Variants in PLCL1 observed in about 807,000 individuals in gnomAD.
PLCL1 encodes the protein inactive phospholipase C-like protein 1.
In PLCL1, 41 loss-of-function variants were observed where a neutral mutation model predicts 84.4. That is an observed-to-expected ratio of 0.49 (90% CI 0.38 to 0.63). The LOEUF (loss-of-function observed/expected upper bound fraction) is 0.63, where lower values mean the gene tolerates loss of function less well. PLCL1 is among the 30% of genes least tolerant of loss of function. PLCL1 has a pLI of 0.00. For synonymous variants in PLCL1, 490 were observed against 488.3 expected (o/e 1.00, Z -0.05); for missense variants, 1,206 against 1,367.8 (o/e 0.88, Z 1.87).
intron 1 of PLCL1, among the ~76,000 whole-genome samples, chr2:197,836,721 C>G (rs1449361530): frequency 1.3e-5 from 2 of 152,026 alleles, no homozygotes; most frequent in Admixed American, 1.3e-4. Flanking sequence ...AAAATATTTA[C>G]TGGGCAATTT....
intron 1 of PLCL1, among the ~76,000 whole-genome samples, chr2:197,963,462 G>T (rs910969164): frequency 5.3e-5 from 8 of 151,924 alleles, no homozygotes; most frequent in African/African-American, 1.4e-4. Flanking sequence ...AGTTGTTTGA[G>T]CTCTTACATA....
intron 1 of PLCL1, among the ~76,000 whole-genome samples, chr2:197,878,549 TA>T (rs1171333061): frequency 3.3e-5 from 5 of 152,184 alleles, no homozygotes; most frequent in Admixed American, 3.3e-4. Context: ...TTTTCTAGGA[TA>T]CATAAGCAAG....
chr2:198,123,980 C>T, intron 5 of PLCL1, among the ~76,000 whole-genome samples: 1 of 152,058 alleles, frequency 6.6e-6, no homozygotes, highest in Middle Eastern at 3.2e-3. Flanking sequence ...CTTAAGCCAC[C>T]CTGTCTGTGG....
chr2:198,035,186 G>A (rs969386692), intron 1 of PLCL1, among the ~76,000 whole-genome samples: 3 of 152,178 alleles, frequency 2.0e-5, no homozygotes, highest in African/African-American at 7.2e-5. Context: ...AAGAAGAAAG[G>A]AATTATAGAT....
rs374918379 is a variant in PLCL1, at chr2:198,135,589, G to A, written c.3106-11191G>A. On this transcript the variant is annotated intron_variant, in intron 5 of 5. Coordinates refer to ENST00000428675, the MANE Select transcript of PLCL1 (RefSeq NM_006226.4). ...CCTGCAGTTGAATCATATTTTTAAA[G>A]TTTAGCTTGGGGTTTTCTATTATTC... is the stretch of plus-strand genomic sequence containing the variant. 8.5e-5 allele frequency among the ~76,000 whole-genome samples: 13 copies of A among 152,254 alleles called. No individual in the cohort carries two copies. The East Asian group carries it at 2.3e-3, about 27-fold the overall frequency.
At chr2:197,849,436 T>C (rs1397218839) in intron 1 of PLCL1, among the ~76,000 whole-genome samples, 1 of 152,102 alleles carries the variant, frequency 6.6e-6, no homozygotes, top group African/African-American at 2.4e-5. Context: ...TGTGCGTGCA[T>C]GTGTGTGTTT....
intron 1 of PLCL1, among the ~76,000 whole-genome samples, chr2:197,833,527 C>A (rs1457317875): frequency 2.0e-5 from 3 of 152,126 alleles, no homozygotes; most frequent in Non-Finnish European, 4.4e-5. Context: ...TTCCCATACA[C>A]CAATAATAGA....
intron 1 of PLCL1, among the ~76,000 whole-genome samples, chr2:197,964,986 T>A (rs904243438): frequency 2.0e-5 from 3 of 152,110 alleles, no homozygotes; most frequent in Non-Finnish European, 4.4e-5. Context: ...TTTGATAGCA[T>A]TTTATTGATG....
rs1428475382 is a variant in PLCL1, at chr2:198,148,078, C to A, written c.*1116C>A. On this transcript the variant is annotated 3_prime_UTR_variant, in exon 6 of 6. Coordinates refer to ENST00000428675, the MANE Select transcript of PLCL1 (RefSeq NM_006226.4). ...AAAGCATACATGCAAAAAGAAATGA[C>A]TAATTAGGGTACATTTATAATTGCA... 1 of 152,194 alleles carries A rather than the reference C, an allele frequency of 6.6e-6. No homozygotes were observed. The highest frequency in any genetic ancestry group is 1.5e-5 in the Non-Finnish European group (1 of 68,000). The allele number at this position is 152,194 out of a possible 1,614,324, so 9.4% of individuals were successfully genotyped here.
At chr2:197,859,967 T>C (rs527856105) in intron 1 of PLCL1, among the ~76,000 whole-genome samples, 41 of 152,256 alleles carry the variant, frequency 2.7e-4, no homozygotes, top group African/African-American at 9.9e-4. Flanking sequence ...GATTATTTTG[T>C]TACCCAGGTG....
intron 1 of PLCL1, among the ~76,000 whole-genome samples, chr2:197,818,524 G>A (rs1358202390): frequency 6.6e-6 from 1 of 152,076 alleles, no homozygotes; most frequent in Non-Finnish European, 1.5e-5. Context: ...AAGGACTCAA[G>A]TGATGATTCT....
At chr2:197,850,703 C>T (rs1254553082) in intron 1 of PLCL1, among the ~76,000 whole-genome samples, 1 of 152,152 alleles carries the variant, frequency 6.6e-6, no homozygotes, top group East Asian at 1.9e-4. Flanking sequence ...CACCTACCTA[C>T]TTCAGGTGTT....
chr2:197,995,760 C>T (rs1457405373), intron 1 of PLCL1, among the ~76,000 whole-genome samples: 2 of 152,288 alleles, frequency 1.3e-5, no homozygotes, highest in East Asian at 3.9e-4. Context: ...GAGGAAATCA[C>T]TTAATGGGGG....
intron 1 of PLCL1, among the ~76,000 whole-genome samples, chr2:198,059,862 C>T (rs763364620): frequency 6.6e-6 from 1 of 152,120 alleles, no homozygotes; most frequent in African/African-American, 2.4e-5. Context: ...CGTCGATGCA[C>T]GGGGACAGAG....
intron 1 of PLCL1, among the ~76,000 whole-genome samples, chr2:198,047,831 T>G (rs1691843159): frequency 6.6e-6 from 1 of 152,174 alleles, no homozygotes; most frequent in East Asian, 1.9e-4. Flanking sequence ...AGATCCCAGC[T>G]TTAAAGAGTG....
chr2:198,051,286 A>C (rs1055350059), intron 1 of PLCL1, among the ~76,000 whole-genome samples: 167 of 152,330 alleles, frequency 1.1e-3, no homozygotes, highest in African/African-American at 3.7e-3. Context: ...TGTATTTTGC[A>C]ACAATTTTAG....
intron 1 of PLCL1, among the ~76,000 whole-genome samples, chr2:197,941,926 C>A (rs1372542559): frequency 6.6e-6 from 1 of 152,130 alleles, no homozygotes; most frequent in Admixed American, 6.5e-5. Context: ...CTCCCAGGTT[C>A]ATCCTCGACC....
intron 5 of PLCL1, among the ~76,000 whole-genome samples, chr2:198,114,377 G>T (rs1693690245): frequency 6.6e-6 from 1 of 151,702 alleles, no homozygotes; most frequent in Non-Finnish European, 1.5e-5. Flanking sequence ...GATGAAAGCT[G>T]CATTTTATAA....
At chr2:198,109,592 G>C (rs1232759890) in intron 5 of PLCL1, among the ~76,000 whole-genome samples, 1 of 151,818 alleles carries the variant, frequency 6.6e-6, no homozygotes, top group Non-Finnish European at 1.5e-5. Context: ...TGAGAGTTCT[G>C]AAGATCTCTT....
Sources: allele counts gnomAD v4.1 joint callset (sites outside exome capture counted in the v4.1 genomes callset), GRCh38; gene constraint gnomAD v4.1.1; transcripts MANE v1.5; gene names NCBI Gene and HGNC (gene_info 2026-07-23, HGNC 2026-07-21).